Variants in RCBTB1 observed in about 807,000 individuals in gnomAD.
The protein encoded by RCBTB1 is RCC1 and BTB domain containing protein 1, also known as RCC1 and BTB domain-containing protein 1.
A neutral mutation model predicts 62.4 loss-of-function variants in RCBTB1; 46 were observed. The ratio of observed to expected loss-of-function variants is 0.74; its 90% CI spans 0.58 to 0.94. The LOEUF (loss-of-function observed/expected upper bound fraction) is 0.94. RCBTB1 is among the 40% of genes least tolerant of loss of function. The probability of loss-of-function intolerance (pLI) is 0.00; values close to 1 mark genes in which losing one functional copy is unlikely to be tolerated. For missense variants in RCBTB1, 565 were observed against 654.9 expected (o/e 0.86, Z 1.50); for synonymous variants, 222 against 245.8 (o/e 0.90, Z 0.91).
At chr13:49,585,065 A>T (rs1346126720) in intron 1 of RCBTB1, among the ~76,000 whole-genome samples, 1 of 152,168 alleles carries the variant, frequency 6.6e-6, no homozygotes, top group Non-Finnish European at 1.5e-5. Context: ...GAAAGGAGAG[A>T]GAATAGGAAG....
intron 12 of RCBTB1, among the ~76,000 whole-genome samples, 174 bp from the exon 13 acceptor site, chr13:49,534,436 C>T (rs1272246932): frequency 6.6e-6 from 1 of 152,056 alleles, no homozygotes; most frequent in Non-Finnish European, 1.5e-5. Context: ...GTGAGAAAAA[C>T]ACATACTATT....
intron 1 of RCBTB1, among the ~76,000 whole-genome samples, chr13:49,584,602 C>T (rs1303747524): frequency 1.3e-5 from 2 of 152,064 alleles, no homozygotes; most frequent in South Asian, 2.1e-4. Context: ...TGTTATTAGC[C>T]CACAATACAC....
chr13:49,542,230 T>C (rs1969881), intron 10 of RCBTB1, among the ~76,000 whole-genome samples: 1 of 150,374 alleles, frequency 6.7e-6, no homozygotes, highest in African/African-American at 2.5e-5. Context: ...AAAAAAAAAG[T>C]AAGTATATTA....
intron 10 of RCBTB1, among the ~76,000 whole-genome samples, chr13:49,543,745 G>A (rs1244691778): frequency 6.6e-6 from 1 of 152,064 alleles, no homozygotes; most frequent in Non-Finnish European, 1.5e-5. Context: ...CTGTCTCCCA[G>A]GATGATCACA....
Position 49,552,303 on chromosome 13 carries a change from GGA to G in RCBTB1, c.604-20_604-19del. On this transcript the variant is annotated intron_variant, in intron 6 of 12. Coordinates refer to ENST00000378302, the MANE Select transcript of RCBTB1 (RefSeq NM_018191.4). ...CCATATACCTTAGAGAGGACAGAAG[GGA>G]GAGAGTGAGATTTTTAAACTGCTGG... The G allele has an allele frequency of 6.6e-7, 1 of 1,520,162 alleles. No individual in the cohort carries two copies. Among genetic ancestry groups the G allele is most frequent in the Non-Finnish European group, 9.0e-7 (1 of 1,109,732 alleles). 94.2% of individuals were successfully genotyped at this position (1,520,162 alleles called of 1,614,324 possible). A position where few individuals can be genotyped will look rare whatever the true frequency, so the allele number is the denominator to read the frequency against.
chr13:49,559,938 C>T lies in RCBTB1; in HGVS notation c.424G>A (p.Ala142Thr). ...EVACGSHHSM[A>T]LAADGEVFAW... ...CTTACCTCTCCATCAGCTGCCAGAG[C>T]CATTGAATGATGTGAGCCACAAGCT... Residue 142 changes from alanine (A) to threonine (T), a missense_variant, in exon 5 of 13, where the codon GCT (alanine) becomes ACT (threonine). Transcript: ENST00000378302. 6.2e-7 allele frequency: 1 copy of T among 1,613,830 alleles called. No individual in the cohort carries two copies. The highest frequency in any genetic ancestry group is 1.1e-5 in the South Asian group (1 of 91,066).
Position 49,534,142 on chromosome 13 carries a change from A to T in RCBTB1, c.1576T>A (p.Cys526Ser). ...LKEFIAKASK[C>S]GAFKN ...GCGCTTCAGTTCTTAAAGGCTCCAC[A>T]TTTACTGGCTTTAGCAATGAATTCC... The change falls in exon 13 of 13, where the codon TGT (cysteine) becomes AGT (serine). Residue 526 changes from cysteine (C) to serine (S), a missense_variant. Coordinates refer to ENST00000378302, the MANE Select transcript of RCBTB1 (RefSeq NM_018191.4). The T allele has an allele frequency of 6.2e-7, 1 of 1,614,112 alleles. No homozygotes were observed. Among genetic ancestry groups the T allele is most frequent in the Non-Finnish European group, 8.5e-7 (1 of 1,179,990 alleles).
intron 6 of RCBTB1, among the ~76,000 whole-genome samples, chr13:49,554,255 G>C (rs2139196625): frequency 6.6e-6 from 1 of 152,266 alleles, no homozygotes; most frequent in Middle Eastern, 3.4e-3. Flanking sequence ...CTATTAACAA[G>C]ATTGGGAAAA....
At chr13:49,549,978 T>C in intron 8 of RCBTB1, 1 of 854,768 alleles carries the variant, frequency 1.2e-6, no homozygotes, top group Non-Finnish European at 1.4e-6. Flanking sequence ...TGTGATGGCT[T>C]AAATACCATT....
chr13:49,552,075 A>G (rs1228108017), intron 7 of RCBTB1, 103 bp downstream of exon 7: 11 of 755,234 alleles, frequency 1.5e-5, no homozygotes, highest in Non-Finnish European at 2.1e-5. Context: ...GGCACAGAGT[A>G]TTGCCAGAAA....
intron 6 of RCBTB1, among the ~76,000 whole-genome samples, 183 bp from the exon 7 acceptor site, chr13:49,552,468 T>G (rs1385145270): frequency 1.3e-5 from 2 of 152,158 alleles, no homozygotes; most frequent in Non-Finnish European, 2.9e-5. Context: ...TTGGCATCAG[T>G]TTCTACTCCA....
At chr13:49,543,242 T>G (rs926186954) in intron 10 of RCBTB1, among the ~76,000 whole-genome samples, 2 of 151,844 alleles carry the variant, frequency 1.3e-5, no homozygotes, top group Non-Finnish European at 2.9e-5. Context: ...CTAGCCTGGG[T>G]GACAGAATGA....
intron 2 of RCBTB1, among the ~76,000 whole-genome samples, chr13:49,578,516 A>T (rs939220910): frequency 5.9e-5 from 9 of 152,234 alleles, no homozygotes; most frequent in African/African-American, 2.2e-4. Context: ...GAGGAACTGA[A>T]GGTCTAATGG....
At position 49,579,797 on chromosome 13, in the gene RCBTB1, T is replaced by C. The variant is rs1963993913; in HGVS notation, c.-42+708A>G. Among the ~76,000 whole-genome samples, 3 of 152,196 alleles carry C rather than the reference T, an allele frequency of 2.0e-5. No homozygotes were observed. The South Asian group carries it at 6.2e-4, about 31-fold the overall frequency. On this transcript the variant is annotated intron_variant, in intron 2 of 12. Coordinates refer to ENST00000378302, the MANE Select transcript of RCBTB1 (RefSeq NM_018191.4). Reference sequence around the variant, plus strand: ...TTCATTTAGAGAACAGTATGACTAGTGTTTTAGAATTCTCTGATTGTGCCT... The same window carrying C: ...TTCATTTAGAGAACAGTATGACTAGCGTTTTAGAATTCTCTGATTGTGCCT...
rs1416187225 is a variant in RCBTB1 at position 49,558,600 on chromosome 13, A to C, written c.444+1318T>G. ...TCCCAGCTACTCAGGAGGCTGAGGC[A>C]GGAGAATCACTTGTACCCAGGAGGC... On this transcript the variant is annotated intron_variant, in intron 5 of 12. Transcript: ENST00000378302. Among the ~76,000 whole-genome samples, 35 of 151,044 alleles carry C rather than the reference A, an allele frequency of 2.3e-4. 1 individual carries two copies. Among genetic ancestry groups the C allele is most frequent in the Non-Finnish European group, 2.9e-5 (2 of 67,904 alleles).
chr13:49,571,811 G>A (rs983843374), intron 2 of RCBTB1, among the ~76,000 whole-genome samples: 9 of 152,124 alleles, frequency 5.9e-5, no homozygotes, highest in Non-Finnish European at 1.0e-4. Context: ...CTATTGTGGT[G>A]AGGTCTTTAA....
intron 5 of RCBTB1, 140 bp from the exon 6 acceptor site, chr13:49,555,813 A>G: frequency 1.6e-6 from 1 of 644,654 alleles, no homozygotes; most frequent in South Asian, 2.2e-5. Flanking sequence ...CTTTACACAC[A>G]TTAACCTATT....
rs186515644 is a variant in RCBTB1, at chr13:49,534,800, G to A, written c.1456-538C>T. Among the ~76,000 whole-genome samples the A allele has an allele frequency of 7.2e-5, 11 of 152,288 alleles. No individual in the cohort carries two copies. In the East Asian group the frequency reaches 1.4e-3, roughly 19 times the overall value. On this transcript the variant is annotated intron_variant, in intron 12 of 12. Coordinates refer to ENST00000378302, the MANE Select transcript of RCBTB1 (RefSeq NM_018191.4). Reference sequence around the variant, plus strand: ...TGTAATCCCAGCACTTTGGGAGGCCGAGGCGGGCGGATCACTTGAGGTCAG... The same window carrying A: ...TGTAATCCCAGCACTTTGGGAGGCCAAGGCGGGCGGATCACTTGAGGTCAG...
At position 49,547,253 on chromosome 13, in the gene RCBTB1, TTTAAGGCAAGC is replaced by T. The variant is rs757819365; in HGVS notation, c.1045+2194_1045+2204del. On this transcript the variant is annotated intron_variant, in intron 9 of 12. Transcript: ENST00000378302. Reference sequence around the variant, plus strand: ...AAAGGGAGTATTCAATTGGTTTCACTTTAAGGCAAGCTTAACTCTTCCTAAGCACCCTTGCC... The same window carrying T: ...AAAGGGAGTATTCAATTGGTTTCACTTTAACTCTTCCTAAGCACCCTTGCC... 863 of 1,126,578 alleles carry T rather than the reference TTTAAGGCAAGC, an allele frequency of 7.7e-4. 1 individual carries two copies. The highest frequency in any genetic ancestry group is 9.3e-4 in the Non-Finnish European group (790 of 852,682). 69.8% of individuals were successfully genotyped at this position (1,126,578 alleles called of 1,614,324 possible). A position where few individuals can be genotyped will look rare whatever the true frequency, so the allele number is the denominator to read the frequency against.
Sources: allele counts gnomAD v4.1 joint callset (sites outside exome capture counted in the v4.1 genomes callset), GRCh38; gene constraint gnomAD v4.1.1; transcripts MANE v1.5; gene names NCBI Gene and HGNC (gene_info 2026-07-23, HGNC 2026-07-21).